The following ABCC11 variants were observed in gnomAD, a reference collection of about 807,000 sequenced individuals.
ABCC11 encodes the protein ATP binding cassette subfamily C member 11.
ABCC11 carries 135 observed loss-of-function variants against 149.3 expected under a neutral mutation model. The ratio of observed to expected loss-of-function variants is 0.90; its 90% confidence interval spans 0.79 to 1.04. The LOEUF (loss-of-function observed/expected upper bound fraction) is 1.04, where lower values mean the gene tolerates loss of function less well. Among genes scored for constraint, ABCC11 ranks in the 50% least tolerant of loss-of-function variants. The probability of loss-of-function intolerance (pLI) is 0.00; values close to 1 mark genes in which losing one functional copy is unlikely to be tolerated. For missense variants in ABCC11, 1,680 were observed against 1,722.1 expected (o/e 0.98, Z 0.43); for synonymous variants, 665 against 671.4 (o/e 0.99, Z 0.15).
At chr16:48,242,087 C>A (rs1434013617) in intron 1 of ABCC11, among the ~76,000 whole-genome samples, 1 of 152,178 alleles carries the variant, frequency 6.6e-6, no homozygotes, top group African/African-American at 2.4e-5. Flanking sequence ...GCAAAATAAA[C>A]CACCATCAGA....
chr16:48,224,660 T>C (rs1420737822), intron 4 of ABCC11, among the ~76,000 whole-genome samples: 1 of 152,178 alleles, frequency 6.6e-6, no homozygotes, highest in Non-Finnish European at 1.5e-5. Flanking sequence ...GAAGCAAATC[T>C]CAGTCATCAT....
Position 48,230,577 on chromosome 16 carries a change from G to A in ABCC11, c.100-4C>T. 1 of 1,551,828 alleles carries A rather than the reference G, an allele frequency of 6.4e-7. No individual in the cohort carries two copies. The highest frequency in any genetic ancestry group is 2.0e-5 in the Admixed American group (1 of 51,062). ...CATCTTGGAGAGTATAGGTTTTCTT[G>A]GAAAAGAAAAACAAAAGAGCATCAG... is the stretch of plus-strand genomic sequence containing the variant. On this transcript the variant is annotated splice_polypyrimidine_tract_variant and splice_region_variant and intron_variant, in intron 2 of 29. Coordinates refer to ENST00000356608, the MANE Select transcript of ABCC11 (RefSeq NM_001370497.1).
At chr16:48,182,250 A>G (rs532037412) in intron 23 of ABCC11, among the ~76,000 whole-genome samples, 2 of 152,318 alleles carry the variant, frequency 1.3e-5, no homozygotes, top group South Asian at 4.1e-4. Context: ...ATGCACTCCT[A>G]CACATACATG....
At chr16:48,241,186 T>C (rs1454216672) in intron 1 of ABCC11, among the ~76,000 whole-genome samples, 1 of 152,182 alleles carries the variant, frequency 6.6e-6, no homozygotes, top group Non-Finnish European at 1.5e-5. Flanking sequence ...TCCACCCATC[T>C]CGGCCTCCCA....
chr16:48,238,811 C>A (rs1307886152), intron 1 of ABCC11, among the ~76,000 whole-genome samples: 1 of 151,372 alleles, frequency 6.6e-6, no homozygotes, highest in Non-Finnish European at 1.5e-5. Flanking sequence ...GTGGTGGGAA[C>A]CTGTAGTCCC....
rs568581222 is a variant in ABCC11, at chr16:48,168,767, A to G, written c.3892-1107T>C. Among the ~76,000 whole-genome samples, 21 of 152,348 alleles carry G rather than the reference A, an allele frequency of 1.4e-4. 1 individual carries two copies. The highest frequency in any genetic ancestry group is 4.3e-4 in the African/African-American group (18 of 41,576). On this transcript the variant is annotated intron_variant, in intron 28 of 29. Coordinates refer to ENST00000356608, the MANE Select transcript of ABCC11 (RefSeq NM_001370497.1). ...GACATGGATGAAGCTGGAAGTCATCATTCTCAGCAAACTAACACAGGAACA... is the reference window on the plus strand; with the variant it reads ...GACATGGATGAAGCTGGAAGTCATCGTTCTCAGCAAACTAACACAGGAACA...
At chr16:48,219,305 G>A (rs994627586) in intron 6 of ABCC11, among the ~76,000 whole-genome samples, 2 of 152,008 alleles carry the variant, frequency 1.3e-5, no homozygotes, top group Admixed American at 6.6e-5. Context: ...AAGTAGCTGG[G>A]ACCACAGGCG....
chr16:48,198,393 T>A (rs955516843), intron 15 of ABCC11, 118 bp from the exon 16 acceptor site: 15 of 1,127,872 alleles, frequency 1.3e-5, no homozygotes, highest in Non-Finnish European at 1.7e-5. Context: ...TACCAACAGA[T>A]GAGCAAACAT....
At position 48,170,140 on chromosome 16, in the gene ABCC11, G is replaced by T. The variant is rs1019035073; in HGVS notation, c.3856C>A (p.Leu1286Ile). ...GNFSVGERQL[L>I]CIARAVLRNS... ...CGAAGCACAGCCCTGGCAATGCAGA[G>T]CAGCTGCCTCTCCCCCACAGAGAAG... Residue 1286 changes from leucine (L) to isoleucine (I), a missense_variant, in exon 28 of 30, where the codon CTC becomes ATC. By Grantham distance (5) the Leu-to-Ile change is conservative. Coordinates refer to ENST00000356608, the MANE Select transcript of ABCC11 (RefSeq NM_001370497.1). 17 of 1,614,124 alleles carry T rather than the reference G, an allele frequency of 1.1e-5. No homozygotes were observed. The highest frequency in any genetic ancestry group is 2.2e-5 in the East Asian group (1 of 44,860).
chr16:48,216,042 A>C, intron 7 of ABCC11, 72 bp downstream of exon 7: 1 of 1,484,698 alleles, frequency 6.7e-7, no homozygotes, highest in Non-Finnish European at 9.3e-7. Context: ...TCTCACTCAG[A>C]GCTATCCCAG....
chr16:48,226,016 C>A (rs975815098), intron 4 of ABCC11, among the ~76,000 whole-genome samples: 1 of 152,006 alleles, frequency 6.6e-6, no homozygotes. Context: ...GAAGAACAAG[C>A]AAACTCAAAT....
rs1242290009 is a variant in ABCC11 at position 48,203,199 on chromosome 16, C to T, written c.1878+29G>A. 4 of 1,543,798 alleles carry T rather than the reference C, an allele frequency of 2.6e-6. No homozygotes were observed. In the East Asian group the frequency reaches 9.6e-5, roughly 37 times the overall value. On this transcript the variant is annotated intron_variant, in intron 14 of 29. Transcript: ENST00000356608. ...TGAACATAAGAGCACCAACATTACA[C>T]AGAGAAGGCAGGCTCGCCTCCCTCT...
chr16:48,172,864 A>T (rs1202906962), intron 26 of ABCC11, among the ~76,000 whole-genome samples: 1 of 152,184 alleles, frequency 6.6e-6, no homozygotes, highest in African/African-American at 2.4e-5. Flanking sequence ...TGGACTTTAC[A>T]CCCAGCAAGC....
At chr16:48,171,889 G>A (rs1184904020) in intron 26 of ABCC11, among the ~76,000 whole-genome samples, 1 of 152,164 alleles carries the variant, frequency 6.6e-6, no homozygotes, top group Non-Finnish European at 1.5e-5. Flanking sequence ...CTTAAACCCA[G>A]GAGGTGGAGG....
In ABCC11 at chr16:48,215,324, A is replaced by T. The variant is rs544987406; in HGVS notation, c.972T>A (p.Ala324=). ...CAGATGTGTGATGCTGAGCCTTCACAGCCATTCTTGTCATGAATACCTGGA... is the reference window on the plus strand; with the variant it reads ...CAGATGTGTGATGCTGAGCCTTCACTGCCATTCTTGTCATGAATACCTGGA... The part of the protein sequence containing the change: ...FPLAVFMTRM[A]VKAQHHTSEV... The change falls in exon 8 of 30, where the codon GCT becomes GCA. Residue 324 remains alanine (A), a synonymous_variant. Coordinates refer to ENST00000356608, the MANE Select transcript of ABCC11 (RefSeq NM_001370497.1). 6.2e-7 allele frequency: 1 copy of T among 1,613,862 alleles called. No individual in the cohort carries two copies. The highest frequency in any genetic ancestry group is 1.1e-5 in the South Asian group (1 of 91,070).
Position 48,198,127 on chromosome 16 carries a change from G to A in ABCC11, c.2217+14C>T. The stretch of plus-strand genomic sequence containing the variant: ...GTCCACCGTGGGTAGTGAGGGCAGT[G>A]GGGCAGGACTCACCGAAGTGGCTTC... On this transcript the variant is annotated intron_variant, in intron 16 of 29. Transcript: ENST00000356608. 1 of 1,614,184 alleles carries A rather than the reference G, an allele frequency of 6.2e-7. No homozygotes were observed. The highest frequency in any genetic ancestry group is 8.5e-7 in the Non-Finnish European group (1 of 1,180,038).
chr16:48,179,375 C>T (rs1450541104), intron 23 of ABCC11, among the ~76,000 whole-genome samples: 5 of 152,160 alleles, frequency 3.3e-5, no homozygotes, highest in Non-Finnish European at 5.9e-5. Context: ...GAAACTGAGG[C>T]GCCAAAAGAA....
chr16:48,234,325 T>C (rs1340567419), intron 1 of ABCC11, among the ~76,000 whole-genome samples: 1 of 152,168 alleles, frequency 6.6e-6, no homozygotes, highest in Non-Finnish European at 1.5e-5. Flanking sequence ...ACATTTTGAG[T>C]ATTATCTTTG....
intron 6 of ABCC11, among the ~76,000 whole-genome samples, chr16:48,220,672 G>A (rs552685002): frequency 6.6e-6 from 1 of 152,286 alleles, no homozygotes; most frequent in Admixed American, 6.5e-5. Context: ...CAGAGAGGCT[G>A]AACAAATTAC....
Sources: allele counts gnomAD v4.1 joint callset (sites outside exome capture counted in the v4.1 genomes callset), GRCh38; gene constraint gnomAD v4.1.1; transcripts MANE v1.5; gene names NCBI Gene and HGNC (gene_info 2026-07-23, HGNC 2026-07-21).